Variants in DPP10 observed in about 807,000 individuals in gnomAD.
DPP10 encodes dipeptidyl peptidase like 10.
DPP10 carries 33 observed loss-of-function variants against 120.9 expected under a neutral mutation model. That is an observed-to-expected ratio of 0.27 (90% CI 0.21 to 0.37). DPP10 has a LOEUF of 0.37. Ranked by LOEUF, DPP10 falls within the 10% of genes least tolerant of loss-of-function variation. The probability of loss-of-function intolerance (pLI) is 1.00; values close to 1 mark genes in which losing one functional copy is unlikely to be tolerated. For missense variants in DPP10, 816 were observed against 942.8 expected, an observed-to-expected ratio of 0.87 and a Z score of 1.76; for synonymous variants, 337 against 326.1, an observed-to-expected ratio of 1.03 and a Z score of -0.36.
intron 1 of DPP10, among the ~76,000 whole-genome samples, chr2:115,184,081 A>T (rs553637667): frequency 6.6e-6 from 1 of 152,258 alleles, no homozygotes; most frequent in African/African-American, 2.4e-5. Flanking sequence ...AGGGAGAGGG[A>T]ATAGGGAACT....
intron 2 of DPP10, among the ~76,000 whole-genome samples, chr2:115,317,610 T>G (rs532940816): frequency 1.3e-5 from 2 of 152,048 alleles, no homozygotes; most frequent in East Asian, 3.9e-4. Flanking sequence ...TTCTCCAAAT[T>G]CTTAGAAACA....
At chr2:115,666,573 G>A (rs1424610773) in intron 5 of DPP10, among the ~76,000 whole-genome samples, 1 of 152,122 alleles carries the variant, frequency 6.6e-6, no homozygotes, top group Non-Finnish European at 1.5e-5. Flanking sequence ...CCATGATGCT[G>A]CAAAGGACAT....
intron 5 of DPP10, among the ~76,000 whole-genome samples, chr2:115,534,114 T>G (rs1024651989): frequency 4.6e-5 from 7 of 151,980 alleles, no homozygotes; most frequent in African/African-American, 7.2e-5. Context: ...TTTTTTATTT[T>G]TTTTTATTAT....
chr2:115,084,786 A>G (rs886977314), intron 1 of DPP10, among the ~76,000 whole-genome samples: 2 of 152,098 alleles, frequency 1.3e-5, no homozygotes, highest in Non-Finnish European at 2.9e-5. Flanking sequence ...CTTCACTTCT[A>G]ATAACGATTG....
chr2:115,159,774 GTT>G (rs971551674), intron 1 of DPP10, among the ~76,000 whole-genome samples: 2 of 152,010 alleles, frequency 1.3e-5, no homozygotes, highest in Non-Finnish European at 2.9e-5. Context: ...ATATAATAAT[GTT>G]TGTCTTTATT....
At chr2:115,074,798 A>G (rs1019289924) in intron 1 of DPP10, among the ~76,000 whole-genome samples, 2 of 152,182 alleles carry the variant, frequency 1.3e-5, no homozygotes, top group African/African-American at 4.8e-5. Flanking sequence ...GGATTTCTGC[A>G]TGTATTATTT....
chr2:114,945,426 T>A (rs541878253), intron 1 of DPP10, among the ~76,000 whole-genome samples: 164 of 152,238 alleles, frequency 1.1e-3, no homozygotes, highest in African/African-American at 3.8e-3. Context: ...GGGCAAAAGA[T>A]CTGAACAGAC....
At chr2:115,028,828 T>C (rs1474927834) in intron 1 of DPP10, among the ~76,000 whole-genome samples, 1 of 152,158 alleles carries the variant, frequency 6.6e-6, no homozygotes, top group Non-Finnish European at 1.5e-5. Context: ...TTGTCTCTTT[T>C]TACAGCATTT....
At chr2:115,619,982 G>A (rs2149277545) in intron 5 of DPP10, among the ~76,000 whole-genome samples, 1 of 152,202 alleles carries the variant, frequency 6.6e-6, no homozygotes, top group African/African-American at 2.4e-5. Context: ...ATTTTGTTTT[G>A]CCCTCAAAAT....
At chr2:114,570,109 A>G (rs1689509983) in intron 1 of DPP10, among the ~76,000 whole-genome samples, 1 of 152,292 alleles carries the variant, frequency 6.6e-6, no homozygotes, top group Admixed American at 6.5e-5. Context: ...CTTTCCTCTC[A>G]GCAGCACCCC....
intron 1 of DPP10, among the ~76,000 whole-genome samples, chr2:115,020,440 A>C (rs995753127): frequency 3.3e-5 from 5 of 152,308 alleles, no homozygotes; most frequent in African/African-American, 1.2e-4. Context: ...TGATATAAGA[A>C]ATAGTCCAAC....
At chr2:115,170,398 A>G (rs1421293215) in intron 1 of DPP10, among the ~76,000 whole-genome samples, 2 of 152,344 alleles carry the variant, frequency 1.3e-5, no homozygotes, top group African/African-American at 4.8e-5. Context: ...CAATGTTTGA[A>G]TAGAGGTAAA....
At chr2:115,449,439 T>TG (rs1446507220) in intron 3 of DPP10, among the ~76,000 whole-genome samples, 1 of 151,800 alleles carries the variant, frequency 6.6e-6, no homozygotes, top group Non-Finnish European at 1.5e-5. Context: ...AACAAGAGAG[T>TG]GGGGGGCCAA....
At chr2:115,779,290 A>T (rs959865148) in intron 15 of DPP10, among the ~76,000 whole-genome samples, 1 of 152,096 alleles carries the variant, frequency 6.6e-6, no homozygotes, top group African/African-American at 2.4e-5. Context: ...TTACAAAGAA[A>T]ATGTAGTAGC....
chr2:115,793,698 A>G (rs1375263363), intron 19 of DPP10, among the ~76,000 whole-genome samples: 1 of 148,040 alleles, frequency 6.8e-6, no homozygotes, highest in Non-Finnish European at 1.5e-5. Flanking sequence ...GGAAGAATGA[A>G]TGAAAATGAG....
At chr2:115,449,120 T>G (rs1198604559) in intron 3 of DPP10, among the ~76,000 whole-genome samples, 1 of 152,150 alleles carries the variant, frequency 6.6e-6, no homozygotes, top group South Asian at 2.1e-4. Flanking sequence ...GAGATAAAAT[T>G]AACTCCTCCA....
intron 1 of DPP10, among the ~76,000 whole-genome samples, chr2:114,565,295 G>T (rs1689113593): frequency 1.3e-5 from 2 of 152,186 alleles, no homozygotes; most frequent in African/African-American, 4.8e-5. Flanking sequence ...TATAGTGCGT[G>T]ACATGAAATA....
At chr2:115,124,096 A>C (rs998352720) in intron 1 of DPP10, among the ~76,000 whole-genome samples, 1 of 151,636 alleles carries the variant, frequency 6.6e-6, no homozygotes, top group South Asian at 2.1e-4. Context: ...GCATACCACC[A>C]CACCTGGCTA....
At chr2:115,666,501 A>C (rs2149427270) in intron 5 of DPP10, among the ~76,000 whole-genome samples, 1 of 152,322 alleles carries the variant, frequency 6.6e-6, no homozygotes, top group South Asian at 2.1e-4. Context: ...TTGCAATTCA[A>C]GATGAGAAGT....
Sources: gnomAD v4.1 joint callset for allele counts (sites outside exome capture counted in the v4.1 genomes callset) on GRCh38, gnomAD v4.1.1 for gene constraint, MANE v1.5 for transcripts, NCBI Gene and HGNC (gene_info 2026-07-23, HGNC 2026-07-21) for gene names.